The following SWT1 variants were observed in gnomAD, a reference collection of about 807,000 sequenced individuals.
The protein encoded by SWT1 is SWT1 RNA endoribonuclease homolog.
In SWT1, 33 loss-of-function variants were observed where a neutral mutation model predicts 107.3. That is an observed-to-expected ratio of 0.31 (90% CI 0.23 to 0.41). The LOEUF (loss-of-function observed/expected upper bound fraction) is 0.41, where lower values mean the gene tolerates loss of function less well. SWT1 is among the 10% of genes least tolerant of loss of function. The pLI, the probability that SWT1 is intolerant of heterozygous loss-of-function variation, is 1.00. For missense variants in SWT1, 898 were observed against 1,028.9 expected (o/e 0.87, Z 1.74); for synonymous variants, 345 against 348.3 (o/e 0.99, Z 0.11).
In SWT1 at chr1:185,174,819, C is replaced by G; in HGVS notation, c.672C>G (p.Pro224=). 6.2e-7 allele frequency: 1 copy of G among 1,613,722 alleles called. No individual in the cohort carries two copies. The highest frequency in any genetic ancestry group is 1.7e-4 in the Middle Eastern group (1 of 6,060). The part of the protein sequence containing the change: ...DYNSNKIIKE[P]LGSRRQKISF... ...ACTCCAACAAGATAATTAAGGAACC[C>G]TTGGGATCTAGAAGACAGAAGATCA... Residue 224 remains proline, a synonymous_variant, in exon 5 of 19, where the codon CCC becomes CCG. Transcript: ENST00000367500.
chr1:185,265,603 A>G (rs1414125179), intron 16 of SWT1, among the ~76,000 whole-genome samples: 1 of 152,222 alleles, frequency 6.6e-6, no homozygotes, highest in East Asian at 1.9e-4. Flanking sequence ...CTGAAGTTGA[A>G]TTCTGCTTCC....
chr1:185,287,219 A>C (rs182719448), intron 18 of SWT1, among the ~76,000 whole-genome samples: 29 of 152,294 alleles, frequency 1.9e-4, no homozygotes, highest in East Asian at 3.9e-4. Context: ...GGAATCACAA[A>C]ACTGTGTGGA....
intron 18 of SWT1, among the ~76,000 whole-genome samples, chr1:185,286,449 C>T (rs1422339720): frequency 6.6e-6 from 1 of 152,172 alleles, no homozygotes; most frequent in East Asian, 1.9e-4. Context: ...TGGTCTCGAA[C>T]TCCTGACCTT....
intron 14 of SWT1, 149 bp downstream of exon 14, chr1:185,214,804 C>A: frequency 1.7e-6 from 1 of 603,498 alleles, no homozygotes; most frequent in East Asian, 3.2e-5. Context: ...GAATTGAATA[C>A]AGAGTAAGCA....
chr1:185,228,853 G>A (rs542820546), intron 15 of SWT1, among the ~76,000 whole-genome samples: 5 of 152,246 alleles, frequency 3.3e-5, no homozygotes, highest in South Asian at 2.1e-4. Flanking sequence ...CAGGAAAAGC[G>A]TTTCAGATAG....
chr1:185,267,338 C>A (rs1663478173), intron 16 of SWT1, among the ~76,000 whole-genome samples: 1 of 152,168 alleles, frequency 6.6e-6, no homozygotes, highest in South Asian at 2.1e-4. Flanking sequence ...GCAACTTGAT[C>A]AAGGTCGCAA....
intron 16 of SWT1, among the ~76,000 whole-genome samples, chr1:185,252,062 G>C (rs933666397): frequency 6.6e-6 from 1 of 151,556 alleles, no homozygotes; most frequent in African/African-American, 2.4e-5. Flanking sequence ...TTTTGTTCTT[G>C]CGATAGTTTA....
intron 16 of SWT1, among the ~76,000 whole-genome samples, chr1:185,259,829 T>C (rs1662895735): frequency 6.6e-6 from 1 of 152,158 alleles, no homozygotes; most frequent in African/African-American, 2.4e-5. Context: ...CTAAAAATAC[T>C]GAAACACAAT....
At position 185,174,634 on chromosome 1, in the gene SWT1, A is replaced by G. The variant is rs778645949; in HGVS notation, c.487A>G (p.Lys163Glu). 2 of 1,613,106 alleles carry G rather than the reference A, an allele frequency of 1.2e-6. No homozygotes were observed. Among genetic ancestry groups the G allele is most frequent in the East Asian group, 2.2e-5 (1 of 44,856 alleles). Residue 163 changes from lysine (K) to glutamate (E), a missense_variant, in exon 5 of 19, where the codon AAA (lysine) becomes GAA (glutamate). Physicochemically the swap from Lys to Glu is moderately conservative, Grantham distance 56. Around this residue, in one of 6 missense-constraint regions of SWT1, gnomAD observed 382 missense variants for 362.4 expected, o/e 1.05. Transcript: ENST00000367500. ...TAAGATTGCCAGTGATGTGAAACCT[A>G]AAGCCGAAGGCCAGGCAAGTGAAAA... ...SPKIASDVKP[K>E]AEGQASENKW...
intron 1 of SWT1, among the ~76,000 whole-genome samples, chr1:185,158,110 CTTAG>C (rs1405754174): frequency 1.3e-5 from 2 of 152,144 alleles, no homozygotes; most frequent in African/African-American, 2.4e-5. Context: ...GTTAGCTTTT[CTTAG>C]TTAATTAAGT....
intron 16 of SWT1, among the ~76,000 whole-genome samples, chr1:185,266,156 C>T (rs531532611): frequency 5.3e-5 from 8 of 152,112 alleles, no homozygotes; most frequent in African/African-American, 1.7e-4. Flanking sequence ...CTCCGCCTGC[C>T]GGGTTCACGC....
At chr1:185,278,766 T>G (rs949989771) in intron 18 of SWT1, among the ~76,000 whole-genome samples, 1 of 152,206 alleles carries the variant, frequency 6.6e-6, no homozygotes, top group African/African-American at 2.4e-5. Flanking sequence ...AGCATAACAC[T>G]TAACCTCATT....
At chr1:185,228,142 A>G (rs1221106906) in intron 15 of SWT1, among the ~76,000 whole-genome samples, 1 of 146,346 alleles carries the variant, frequency 6.8e-6, no homozygotes, top group African/African-American at 2.6e-5. Context: ...ACATCTTTAA[A>G]CAGTATGTCA....
chr1:185,163,731 A>G (rs1484694270), intron 2 of SWT1, among the ~76,000 whole-genome samples: 1 of 152,178 alleles, frequency 6.6e-6, no homozygotes, highest in Non-Finnish European at 1.5e-5. Flanking sequence ...AGAAATTCAG[A>G]CACATTTTCA....
chr1:185,162,211 C>T (rs868734021), intron 2 of SWT1, among the ~76,000 whole-genome samples: 1 of 152,198 alleles, frequency 6.6e-6, no homozygotes, highest in Non-Finnish European at 1.5e-5. Flanking sequence ...CTACTTAAAA[C>T]TACTAAACTA....
chr1:185,273,369 C>T (rs1477269452), intron 17 of SWT1, among the ~76,000 whole-genome samples: 3 of 151,850 alleles, frequency 2.0e-5, no homozygotes, highest in Non-Finnish European at 4.4e-5. Context: ...TGCACCACTG[C>T]ACTACAGCCT....
rs556836492 is a variant in SWT1 at position 185,174,753 on chromosome 1, C to A, written c.606C>A (p.Val202=). The part of the protein sequence containing the change: ...SKFRDNSEKC[V]LEKWKRNQFS... ...TTAGAGACAATTCTGAAAAATGTGT[C>A]TTAGAGAAATGGAAGAGAAATCAAT... The change falls in exon 5 of 19, where the codon GTC becomes GTA. Residue 202 remains valine, a synonymous_variant. Coordinates refer to ENST00000367500, the MANE Select transcript of SWT1 (RefSeq NM_017673.7). 3 of 1,611,392 alleles carry A rather than the reference C, an allele frequency of 1.9e-6. No individual in the cohort carries two copies. Among genetic ancestry groups the A allele is most frequent in the African/African-American group, 2.7e-5 (2 of 74,704 alleles).
intron 16 of SWT1, among the ~76,000 whole-genome samples, chr1:185,260,367 C>T (rs1662937373): frequency 6.6e-6 from 1 of 151,852 alleles, no homozygotes; most frequent in African/African-American, 2.4e-5. Flanking sequence ...ATAAATTAGT[C>T]CAGTTTAATA....
chr1:185,272,319 G>A (rs1663930017), intron 17 of SWT1, among the ~76,000 whole-genome samples: 1 of 152,104 alleles, frequency 6.6e-6, no homozygotes, highest in African/African-American at 2.4e-5. Flanking sequence ...AATGCTCTTT[G>A]TTTATGTTTC....
Sources: gnomAD v4.1 joint callset for allele counts (sites outside exome capture counted in the v4.1 genomes callset) on GRCh38, gnomAD v4.1.1 for gene constraint, gnomAD v4.1.1 regional missense constraint, MANE v1.5 for transcripts, NCBI Gene and HGNC (gene_info 2026-07-23, HGNC 2026-07-21) for gene names.